Variants in RFT1 observed in about 807,000 individuals in gnomAD.
The protein encoded by RFT1 is RFT1 glycolipid translocator homolog.
RFT1 carries 43 observed loss-of-function variants against 62.2 expected under a neutral mutation model. That is an observed-to-expected ratio of 0.69 (90% confidence interval 0.54 to 0.89). The LOEUF is 0.89. Among genes scored for constraint, RFT1 ranks in the 40% least tolerant of loss-of-function variants. The pLI is 0.00. For synonymous variants in RFT1, 262 were observed against 264.6 expected (o/e 0.99, Z 0.10); for missense variants, 605 against 649.9 (o/e 0.93, Z 0.75).
chr3:53,072,259 C>T, the RFT1 span, among the ~76,000 whole-genome samples: 6 of 152,176 alleles, frequency 3.9e-5, no homozygotes, highest in Non-Finnish European at 8.8e-5. Flanking sequence ...AGCCTGCATG[C>T]AGGCTCAGCA....
chr3:53,122,413 A>G lies in RFT1; in HGVS notation c.417T>C (p.Phe139=). Residue 139 remains phenylalanine (F), a synonymous_variant, in exon 4 of 13, where the codon TTT becomes TTC. Transcript: ENST00000296292. ...SAVVELLGEP[F]WVLAQAHMFV... ...ACATATGTGCTTGTGCCAAGACCCA[A>G]AAGGGCTCTCCTAGAAGCTCCACCA... 6.2e-7 allele frequency: 1 copy of G among 1,614,014 alleles called. No homozygotes were observed. The highest frequency in any genetic ancestry group is 8.5e-7 in the Non-Finnish European group (1 of 1,179,980).
intron 7 of RFT1, among the ~76,000 whole-genome samples, chr3:53,107,919 C>T (rs1159092683): frequency 2.6e-5 from 4 of 152,198 alleles, no homozygotes; most frequent in Non-Finnish European, 5.9e-5. Context: ...CACCCTGACT[C>T]TCTCTCCAAG....
intron 3 of RFT1, among the ~76,000 whole-genome samples, chr3:53,122,911 A>T (rs943054196): frequency 6.6e-6 from 1 of 152,254 alleles, no homozygotes; most frequent in African/African-American, 2.4e-5. Flanking sequence ...TGACCCCATA[A>T]GCAAAATTCC....
At chr3:53,127,638 G>A (rs1702143765) in intron 1 of RFT1, among the ~76,000 whole-genome samples, 1 of 145,248 alleles carries the variant, frequency 6.9e-6, no homozygotes, top group Non-Finnish European at 1.5e-5. Flanking sequence ...GGGCGACAGA[G>A]CTAGACTCCA....
the RFT1 span, among the ~76,000 whole-genome samples, chr3:53,076,079 A>G: frequency 6.6e-6 from 1 of 152,222 alleles, no homozygotes; most frequent in Admixed American, 6.5e-5. Context: ...TCTGTCCTCT[A>G]CACTCAGGGC....
intron 10 of RFT1, chr3:53,103,542 C>T: frequency 4.4e-6 from 1 of 229,538 alleles, no homozygotes; most frequent in South Asian, 6.1e-5. Context: ...CTTTTATGCA[C>T]TAGGCTGGGA....
the RFT1 span, among the ~76,000 whole-genome samples, chr3:53,072,967 GA>G: frequency 6.6e-6 from 1 of 152,222 alleles, no homozygotes; most frequent in African/African-American, 2.4e-5. Flanking sequence ...TCCTGGGGGT[GA>G]AGCCGAGGCT....
chr3:53,122,564 C>T lies in RFT1; in HGVS notation c.267-1G>A. The T allele has an allele frequency of 6.4e-7, 1 of 1,564,152 alleles. No homozygotes were observed. Reference sequence around the variant, plus strand: ...GGACCAAAACACACCCAGGGGGACTCTAGAAGAGGAGAAAAAAATAATTCA... The same window carrying T: ...GGACCAAAACACACCCAGGGGGACTTTAGAAGAGGAGAAAAAAATAATTCA... On this transcript the variant is annotated splice_acceptor_variant, in intron 3 of 12. Coordinates refer to ENST00000296292, the MANE Select transcript of RFT1 (RefSeq NM_052859.4). LOFTEE classifies it high-confidence loss of function.
chr3:53,105,769 A>T lies in RFT1; in HGVS notation c.861T>A (p.Leu287=). The change falls in exon 9 of 13, where the codon CTT becomes CTA. Residue 287 remains leucine, a synonymous_variant. Coordinates refer to ENST00000296292, the MANE Select transcript of RFT1 (RefSeq NM_052859.4). ...TTGGCTGGAAAATTAATCTGGCCAC[A>T]AGGGAGCCAAGATTATTCACTATAT... ...VYDIVNNLGS[L]VARLIFQPIE... is the part of the protein sequence containing the mutation. 2 of 1,613,792 alleles carry T rather than the reference A, an allele frequency of 1.2e-6. No individual in the cohort carries two copies. The highest frequency in any genetic ancestry group is 1.7e-6 in the Non-Finnish European group (2 of 1,179,742).
intron 1 of RFT1, among the ~76,000 whole-genome samples, chr3:53,127,944 T>G (rs548900344): frequency 3.9e-4 from 59 of 152,140 alleles, no homozygotes; most frequent in Non-Finnish European, 6.9e-4. Context: ...GTGTCTACAG[T>G]GTAATTCGAG....
intron 11 of RFT1, among the ~76,000 whole-genome samples, chr3:53,098,003 AT>A (rs1249174871): frequency 2.0e-5 from 3 of 152,214 alleles, no homozygotes; most frequent in Non-Finnish European, 4.4e-5. Context: ...ATGGCATGGC[AT>A]TTTTGAAAAA....
In RFT1 at chr3:53,092,070, C is replaced by T; in HGVS notation, c.1459G>A (p.Val487Ile). ...CAGCCCTGCTCACAGCAGAGGAATA[C>T]CTGGGGAAAGAAACCATTGTCAGTG... ...LSGGVTAVSE[V>I]FLCCEQGWPA... Residue 487 changes from valine to isoleucine, a missense_variant and splice_region_variant, in exon 13 of 13, where the codon GTA (valine) becomes ATA (isoleucine). Physicochemically the swap from Val to Ile is conservative, Grantham distance 29. Transcript: ENST00000296292. 2.5e-6 allele frequency: 4 copies of T among 1,614,236 alleles called. No homozygotes were observed. The highest frequency in any genetic ancestry group is 3.4e-6 in the Non-Finnish European group (4 of 1,180,042).
At chr3:53,074,409 G>C in the RFT1 span, among the ~76,000 whole-genome samples, 2 of 152,166 alleles carry the variant, frequency 1.3e-5, no homozygotes, top group South Asian at 4.1e-4. Context: ...CACAGAGATG[G>C]ATGTGCCAGG....
At chr3:53,070,973 C>T in the RFT1 span, among the ~76,000 whole-genome samples, 568 of 152,008 alleles carry the variant, frequency 3.7e-3, 4 homozygotes, top group Middle Eastern at 0.024. Context: ...TCAGATGATC[C>T]GCCCACTTTG....
At chr3:53,074,681 C>T in the RFT1 span, among the ~76,000 whole-genome samples, 6 of 152,208 alleles carry the variant, frequency 3.9e-5, no homozygotes, top group Non-Finnish European at 5.9e-5. Flanking sequence ...AGGCTGAGCA[C>T]TGCATGCGTA....
At chr3:53,074,080 C>G in the RFT1 span, among the ~76,000 whole-genome samples, 1 of 152,196 alleles carries the variant, frequency 6.6e-6, no homozygotes, top group East Asian at 1.9e-4. Context: ...CCTGGGGTCT[C>G]TGTCTCTCTG....
At chr3:53,080,217 T>C in the RFT1 span, among the ~76,000 whole-genome samples, 1 of 152,248 alleles carries the variant, frequency 6.6e-6, no homozygotes, top group Admixed American at 6.5e-5. Flanking sequence ...TTTAACAAGC[T>C]TCTGGAGCAT....
chr3:53,083,494 A>C (rs1462198601), downstream of RFT1, among the ~76,000 whole-genome samples: 3 of 11,892 alleles, frequency 2.5e-4, no homozygotes, highest in Non-Finnish European at 4.2e-4. Context: ...GACCCTATCT[A>C]AAAAAAAAAA....
chr3:53,105,282 C>T (rs548962707), intron 9 of RFT1, among the ~76,000 whole-genome samples: 6 of 152,176 alleles, frequency 3.9e-5, no homozygotes, highest in Non-Finnish European at 8.8e-5. Context: ...GGTGTGGTGG[C>T]GCATGCCTGT....
Sources: allele counts gnomAD v4.1 joint callset (sites outside exome capture counted in the v4.1 genomes callset), GRCh38; gene constraint gnomAD v4.1.1; transcripts MANE v1.5; gene names NCBI Gene and HGNC (gene_info 2026-07-23, HGNC 2026-07-21).